COL5A1: variants seen among roughly 807,000 people sequenced by gnomAD.
The protein encoded by COL5A1 is collagen type V alpha 1 chain, also known as collagen alpha-1(V) chain.
COL5A1 carries 16 observed loss-of-function variants against 263.7 expected under a neutral mutation model. The ratio of observed to expected loss-of-function variants is 0.06; its 90% CI spans 0.04 to 0.09. The LOEUF (loss-of-function observed/expected upper bound fraction) is 0.09, where lower values mean the gene tolerates loss of function less well. Among genes scored for constraint, COL5A1 ranks in the 10% least tolerant of loss-of-function variants. The pLI is 1.00. For missense variants in COL5A1, 2,036 were observed against 2,540.5 expected, an observed-to-expected ratio of 0.80 and a Z score of 4.27; for synonymous variants, 1,012 against 1,004.5, an observed-to-expected ratio of 1.01 and a Z score of -0.14.
At chr9:134,831,413 G>C (rs1354756998) in intron 64 of COL5A1, among the ~76,000 whole-genome samples, 1 of 152,190 alleles carries the variant, frequency 6.6e-6, no homozygotes, top group Non-Finnish European at 1.5e-5. Flanking sequence ...TTCCTCTCCT[G>C]CTTTTCCTTT....
At position 134,765,925 on chromosome 9, in the gene COL5A1, G is replaced by A. The variant is rs547200241; in HGVS notation, c.2088+191G>A. Among the ~76,000 whole-genome samples, 134 of 152,342 alleles carry A rather than the reference G, an allele frequency of 8.8e-4. 1 individual carries two copies. The highest frequency in any genetic ancestry group is 1.6e-3 in the Non-Finnish European group (108 of 68,014). On this transcript the variant is annotated intron_variant, in intron 21 of 65. Coordinates refer to ENST00000371817, the MANE Select transcript of COL5A1 (RefSeq NM_000093.5). This position sits in a 1 kb window ranked among gnomAD's most constrained non-coding sequence, Gnocchi z 5.1. ...TGTAGACACGGCCCCAGCAGGTGTG[G>A]CCTTGCAGGTGGAGGCCCGAGGCTG...
At chr9:134,823,521 G>C (rs746300126) in intron 61 of COL5A1, 52 bp downstream of exon 61, 1 of 1,582,356 alleles carries the variant, frequency 6.3e-7, no homozygotes, top group Admixed American at 1.7e-5. Context: ...GGCTAGCTCC[G>C]AGGGAATTGA....
At chr9:134,817,880 G>A (rs1170930528) in intron 54 of COL5A1, 49 bp downstream of exon 54, 3 of 1,543,026 alleles carry the variant, frequency 1.9e-6, no homozygotes, top group East Asian at 2.4e-5. Flanking sequence ...TCCCCCAGGG[G>A]AGCCCAGAGG....
At chr9:134,669,661 G>C (rs987734661) in intron 1 of COL5A1, among the ~76,000 whole-genome samples, 1 of 152,182 alleles carries the variant, frequency 6.6e-6, no homozygotes, top group Admixed American at 6.5e-5. Flanking sequence ...CGACGGTACA[G>C]TCAGAATCAT....
intron 63 of COL5A1, among the ~76,000 whole-genome samples, chr9:134,827,977 C>A (rs1002518986): frequency 6.6e-6 from 1 of 152,192 alleles, no homozygotes; most frequent in African/African-American, 2.4e-5. Context: ...CCTTTTCTGG[C>A]CTTCTTGGCA....
At chr9:134,672,436 T>A (rs967002011) in intron 1 of COL5A1, among the ~76,000 whole-genome samples, 8 of 152,250 alleles carry the variant, frequency 5.3e-5, no homozygotes, top group African/African-American at 1.9e-4. Flanking sequence ...TTCTACTATT[T>A]GTTCCATGCC....
chr9:134,748,360 C>T (rs984361548), intron 11 of COL5A1, among the ~76,000 whole-genome samples: 3 of 152,156 alleles, frequency 2.0e-5, no homozygotes, highest in African/African-American at 7.2e-5. Context: ...CACACATGCA[C>T]ATACATACAC....
chr9:134,760,779 C>T (rs1373629878), intron 18 of COL5A1, among the ~76,000 whole-genome samples: 1 of 145,264 alleles, frequency 6.9e-6, no homozygotes, highest in African/African-American at 2.6e-5. Context: ...ACACCACCTA[C>T]ACATGCACAC....
intron 52 of COL5A1, among the ~76,000 whole-genome samples, chr9:134,816,258 C>T (rs1838740066): frequency 6.6e-6 from 1 of 152,248 alleles, no homozygotes; most frequent in Non-Finnish European, 1.5e-5. Context: ...CTTCCACGAC[C>T]CACCATGGGC....
At chr9:134,713,109 C>T (rs1029995848) in intron 4 of COL5A1, among the ~76,000 whole-genome samples, 1 of 152,270 alleles carries the variant, frequency 6.6e-6, no homozygotes, top group African/African-American at 2.4e-5. Context: ...CTGAGAAGTG[C>T]AGGTTTTCCT....
chr9:134,739,797 G>A (rs936305796), intron 11 of COL5A1, among the ~76,000 whole-genome samples: 3 of 152,146 alleles, frequency 2.0e-5, no homozygotes, highest in African/African-American at 7.2e-5. Flanking sequence ...GGACAGGTGA[G>A]GTCAGGCAGC....
chr9:134,687,140 C>G (rs1833106753), intron 1 of COL5A1, among the ~76,000 whole-genome samples: 1 of 152,146 alleles, frequency 6.6e-6, no homozygotes, highest in South Asian at 2.1e-4. Flanking sequence ...GCGTGGGGGT[C>G]TGGACATGAG....
chr9:134,786,335 G>A lies in COL5A1; in HGVS notation c.2646+287G>A, dbSNP rs13286048. On this transcript the variant is annotated intron_variant, in intron 31 of 65. Transcript: ENST00000371817. ...CCACTCCCCATCCTTGGGGGCGTGT[G>A]TGACACTGTGGCTCTCAGCCTCCAC... Among the ~76,000 whole-genome samples, 7,676 of 152,300 alleles carry A rather than the reference G, an allele frequency of 0.05. 211 individuals carry two copies. Among genetic ancestry groups the A allele is most frequent in the Non-Finnish European group, 0.057 (3,876 of 68,024 alleles).
At chr9:134,786,539 A>G (rs1315330642) in intron 31 of COL5A1, among the ~76,000 whole-genome samples, 1 of 152,230 alleles carries the variant, frequency 6.6e-6, no homozygotes, top group Non-Finnish European at 1.5e-5. Context: ...GTCCATACCC[A>G]GAATCCGTGG....
chr9:134,795,430 C>T, intron 34 of COL5A1, 115 bp downstream of exon 34: 2 of 821,620 alleles, frequency 2.4e-6, no homozygotes, highest in Non-Finnish European at 3.8e-6. Flanking sequence ...AAAAAAAAGG[C>T]AGGACATTTT....
At chr9:134,790,672 G>T (rs1346351058) in intron 32 of COL5A1, among the ~76,000 whole-genome samples, 1 of 145,704 alleles carries the variant, frequency 6.9e-6, no homozygotes, top group Non-Finnish European at 1.5e-5. Context: ...GTCTATCTCT[G>T]TCAGTATCTA....
chr9:134,652,667 C>T lies in COL5A1; in HGVS notation c.109+10371C>T, dbSNP rs1462882195. 2.5e-5 allele frequency: 12 copies of T among 470,592 alleles called. No individual in the cohort carries two copies. Among genetic ancestry groups the T allele is most frequent in the East Asian group, 1.4e-4 (2 of 14,396 alleles). 29.2% of individuals were successfully genotyped at this position (470,592 alleles called of 1,614,324 possible). On this transcript the variant is annotated intron_variant, in intron 1 of 65. Transcript: ENST00000371817. The surrounding 1 kb of genome is among the most constrained non-coding windows in gnomAD (Gnocchi z 4.4). ...GACCCAGCCCGGAGGCTGCAGGAAT[C>T]GTGGGATAGAGGAAGCAAAGGTGAG...
chr9:134,713,689 C>G (rs772762369), intron 4 of COL5A1, among the ~76,000 whole-genome samples: 1 of 152,178 alleles, frequency 6.6e-6, no homozygotes, highest in Non-Finnish European at 1.5e-5. Context: ...GGTGTCAAAC[C>G]CATTAACGAT....
intron 63 of COL5A1, 121 bp from the exon 64 acceptor site, chr9:134,829,853 GCC>G: frequency 9.2e-7 from 1 of 1,087,984 alleles, no homozygotes; most frequent in Non-Finnish European, 1.4e-6. Flanking sequence ...CCTCCCTGCA[GCC>G]CCCCCGGCGT....
Sources: allele counts gnomAD v4.1 joint callset (sites outside exome capture counted in the v4.1 genomes callset), GRCh38; gene constraint gnomAD v4.1.1; non-coding constraint Gnocchi (gnomAD v3.1); transcripts MANE v1.5; gene names NCBI Gene and HGNC (gene_info 2026-07-23, HGNC 2026-07-21).